Variants in KRR1 observed in about 807,000 individuals in gnomAD.
KRR1 encodes KRR1 small subunit processome component, also known as KRR1 small subunit processome component homolog.
In KRR1, 23 loss-of-function variants were observed where a neutral mutation model predicts 50.0. The ratio of observed to expected loss-of-function variants is 0.46; its 90% CI spans 0.33 to 0.65. The LOEUF is 0.65. Among genes scored for constraint, KRR1 ranks in the 30% least tolerant of loss-of-function variants. KRR1 has a pLI of 0.02. For synonymous variants in KRR1, 133 were observed against 146.3 expected, an observed-to-expected ratio of 0.91 and a Z score of 0.66; for missense variants, 419 against 442.4, an observed-to-expected ratio of 0.95 and a Z score of 0.47.
chr12:75,502,497 C>T (rs1255853656), intron 7 of KRR1: 2 of 153,742 alleles, frequency 1.3e-5, no homozygotes, highest in African/African-American at 4.8e-5. Context: ...AAAGCAACAG[C>T]TTGTTCATTC....
intron 9 of KRR1, 66 bp from the exon 10 acceptor site, chr12:75,500,017 T>A: frequency 7.8e-7 from 1 of 1,285,192 alleles, no homozygotes; most frequent in Non-Finnish European, 1.1e-6. Context: ...AAAGAATATA[T>A]GTTTAACAAA....
intron 5 of KRR1, 38 bp from the exon 6 acceptor site, chr12:75,505,292 T>G: frequency 1.9e-6 from 3 of 1,552,446 alleles, no homozygotes; most frequent in Non-Finnish European, 1.7e-6. Context: ...GTCACAAGGA[T>G]TTTAATGAGC....
rs572035401 is a variant in KRR1 at position 75,496,671 on chromosome 12, G to C, written c.*3138C>G. 1 of 152,110 alleles carries C rather than the reference G, an allele frequency of 6.6e-6. No homozygotes were observed. The highest frequency in any genetic ancestry group is 2.4e-5 in the African/African-American group (1 of 41,402). The allele number at this position is 152,110 out of a possible 1,614,324, so 9.4% of individuals were successfully genotyped here. On this transcript the variant is annotated 3_prime_UTR_variant, in exon 10 of 10. Transcript: ENST00000229214. ...GTAACAAACTGAACTCAGAGCAGCC[G>C]GGCTAGAGTAGGGTGCTTAGAATAG...
chr12:75,504,097 A>C (rs762416932), intron 6 of KRR1, 23 bp from the exon 7 acceptor site: 1 of 1,565,530 alleles, frequency 6.4e-7, no homozygotes, highest in Admixed American at 1.8e-5. Flanking sequence ...AACAAAGTAA[A>C]AATTTTTACT....
Position 75,501,729 on chromosome 12 carries a change from T to C in KRR1, c.997A>G (p.Lys333Glu). Residue 333 changes from lysine (K) to glutamate (E), a missense_variant, in exon 9 of 10, where the codon AAG becomes GAG. Physicochemically the swap from Lys to Glu is moderately conservative, Grantham distance 56. Coordinates refer to ENST00000229214, the MANE Select transcript of KRR1 (RefSeq NM_007043.7). ...PPKEKPIVKP[K>E]EASTETKIDV... ...ACATCATAGAAAGCATTACCTTCCT[T>C]AGGTTTCACAATTGGTTTTTCCTTA... 6.3e-7 allele frequency: 1 copy of C among 1,598,510 alleles called. No individual in the cohort carries two copies. The highest frequency in any genetic ancestry group is 8.6e-7 in the Non-Finnish European group (1 of 1,167,486).
Position 75,511,604 on chromosome 12 carries a change from G to C in KRR1, c.-7C>G, listed in dbSNP as rs939076148. ...CCAGCGAGGGAGACGCCATTTGCAAGCTGCTTCCGGTGGCTCCGGAAATGA... is the reference window on the plus strand; with the variant it reads ...CCAGCGAGGGAGACGCCATTTGCAACCTGCTTCCGGTGGCTCCGGAAATGA... On this transcript the variant is annotated 5_prime_UTR_variant, in exon 1 of 10. Coordinates refer to ENST00000229214, the MANE Select transcript of KRR1 (RefSeq NM_007043.7). 3.7e-6 allele frequency: 6 copies of C among 1,609,740 alleles called. No individual in the cohort carries two copies. The highest frequency in any genetic ancestry group is 4.6e-5 in the East Asian group (2 of 43,638).
In KRR1 at chr12:75,495,997, GT is replaced by G. The variant is rs370713345; in HGVS notation, c.*3811del. 33 of 132,286 alleles carry G rather than the reference GT, an allele frequency of 2.5e-4. No individual in the cohort carries two copies. The highest frequency in any genetic ancestry group is 1.1e-3 in the South Asian group (5 of 4,522). 8.2% of individuals were successfully genotyped at this position (132,286 alleles called of 1,614,324 possible). On this transcript the variant is annotated 3_prime_UTR_variant, in exon 10 of 10. Transcript: ENST00000229214. ...TCCAAACAAACAGAATTCTGTTTTC[GT>G]TTTTTTTTTTGTTTTTTTTTTTTGA...
intron 5 of KRR1, among the ~76,000 whole-genome samples, chr12:75,505,852 A>T (rs970090939): frequency 5.3e-5 from 8 of 152,152 alleles, no homozygotes; most frequent in African/African-American, 1.9e-4. Context: ...GAAAATGTTC[A>T]TGAAAAGTTA....
Position 75,491,133 on chromosome 12 carries a change from T to C in KRR1, c.*8676A>G, listed in dbSNP as rs1158103790. On this transcript the variant is annotated 3_prime_UTR_variant, in exon 10 of 10. Transcript: ENST00000229214. ...ACTTAAAATTATGCTGTGAAAAATT[T>C]TCCTTTTCAAAATTTTAAGTGATTT... 6.6e-6 allele frequency: 1 copy of C among 151,946 alleles called. No individual in the cohort carries two copies. The highest frequency in any genetic ancestry group is 1.5e-5 in the Non-Finnish European group (1 of 67,994). 9.4% of individuals were successfully genotyped at this position (151,946 alleles called of 1,614,324 possible). A position where few individuals can be genotyped will look rare whatever the true frequency, so the allele number is the denominator to read the frequency against.
In KRR1 at chr12:75,506,616, C is replaced by CAAAAAATA; in HGVS notation, c.394-8_394-7insTATTTTTT. 1 of 1,368,352 alleles carries CAAAAAATA rather than the reference C, an allele frequency of 7.3e-7. No individual in the cohort carries two copies. The highest frequency in any genetic ancestry group is 9.5e-7 in the Non-Finnish European group (1 of 1,053,538). The allele number at this position is 1,368,352 out of a possible 1,614,324, so 84.8% of individuals were successfully genotyped here. On this transcript the variant is annotated splice_polypyrimidine_tract_variant and splice_region_variant and intron_variant, in intron 3 of 9. Transcript: ENST00000229214. The stretch of plus-strand genomic sequence containing the variant: ...CCTGAAGAATTCGTACTGCCTTTTG[C>CAAAAAATA]AAAAAAAAAAAAAAAAAGAAGACAT...
At position 75,499,769 on chromosome 12, in the gene KRR1, T is replaced by C. The variant is rs1340095090; in HGVS notation, c.*40A>G. ...TAATGCCTGATATCTCAAAATCCTT[T>C]ACAAAAGGAGATAGTTCTAGTCAAG... On this transcript the variant is annotated 3_prime_UTR_variant, in exon 10 of 10. Transcript: ENST00000229214. The C allele has an allele frequency of 1.3e-6, 2 of 1,498,010 alleles. No homozygotes were observed. 92.8% of individuals were successfully genotyped at this position (1,498,010 alleles called of 1,614,324 possible). A position where few individuals can be genotyped will look rare whatever the true frequency, so the allele number is the denominator to read the frequency against.
At position 75,492,575 on chromosome 12, in the gene KRR1, G is replaced by GT. The variant is rs1420337689; in HGVS notation, c.*7233dup. The GT allele has an allele frequency of 1.3e-5, 2 of 152,154 alleles. No individual in the cohort carries two copies. Among genetic ancestry groups the GT allele is most frequent in the Non-Finnish European group, 2.9e-5 (2 of 68,028 alleles). 9.4% of individuals were successfully genotyped at this position (152,154 alleles called of 1,614,324 possible). ...AATGCTTGGCAATAGTGAATGTTTTGTAAGTATTCATGATTTTTATTCATT... is the reference window on the plus strand; with the variant it reads ...AATGCTTGGCAATAGTGAATGTTTTGTTAAGTATTCATGATTTTTATTCATT... On this transcript the variant is annotated 3_prime_UTR_variant, in exon 10 of 10. Transcript: ENST00000229214.
In KRR1 at chr12:75,494,305, T is replaced by G. The variant is rs1326383504; in HGVS notation, c.*5504A>C. 1 of 152,210 alleles carries G rather than the reference T, an allele frequency of 6.6e-6. No homozygotes were observed. Among genetic ancestry groups the G allele is most frequent in the African/African-American group, 2.4e-5 (1 of 41,452 alleles). The allele number at this position is 152,210 out of a possible 1,614,324, so 9.4% of individuals were successfully genotyped here. ...TTATTTTTATTTTCACTAACCTCTA[T>G]TAAAAATAACATTTCCTTTCATTAT... is the stretch of plus-strand genomic sequence containing the variant. On this transcript the variant is annotated 3_prime_UTR_variant, in exon 10 of 10. Coordinates refer to ENST00000229214, the MANE Select transcript of KRR1 (RefSeq NM_007043.7).
In KRR1 at chr12:75,497,715, G is replaced by C. The variant is rs939993928; in HGVS notation, c.*2094C>G. 2.4e-4 allele frequency: 36 copies of C among 151,904 alleles called. No individual in the cohort carries two copies. The highest frequency in any genetic ancestry group is 7.7e-4 in the African/African-American group (32 of 41,346). 9.4% of individuals were successfully genotyped at this position (151,904 alleles called of 1,614,324 possible). ...CAAGCACTGGAGCATAAATTCCTTC[G>C]TGGTATTCCTTCGTGGTCTCCTAGA... On this transcript the variant is annotated 3_prime_UTR_variant, in exon 10 of 10. Transcript: ENST00000229214.
At chr12:75,504,592 T>A (rs1411109353) in intron 6 of KRR1, among the ~76,000 whole-genome samples, 1 of 152,072 alleles carries the variant, frequency 6.6e-6, no homozygotes, top group Non-Finnish European at 1.5e-5. Flanking sequence ...AATATCCCAA[T>A]GTAACTCAAA....
Position 75,495,761 on chromosome 12 carries a change from C to A in KRR1, c.*4048G>T. The stretch of plus-strand genomic sequence containing the variant: ...AACCATGTTTTATCTTAACGGCTAT[C>A]TTCAAGGAAACTGGCATCAAGTAGC... On this transcript the variant is annotated 3_prime_UTR_variant, in exon 10 of 10. Coordinates refer to ENST00000229214, the MANE Select transcript of KRR1 (RefSeq NM_007043.7). 2 of 693,530 alleles carry A rather than the reference C, an allele frequency of 2.9e-6. No homozygotes were observed. The highest frequency in any genetic ancestry group is 2.0e-5 in the South Asian group (1 of 50,228). The allele number at this position is 693,530 out of a possible 1,614,324, so 43.0% of individuals were successfully genotyped here.
chr12:75,495,395 AT>A lies in KRR1; in HGVS notation c.*4413del. 1.8e-6 allele frequency: 1 copy of A among 551,350 alleles called. No homozygotes were observed. The highest frequency in any genetic ancestry group is 2.3e-5 in the South Asian group (1 of 42,562). The allele number at this position is 551,350 out of a possible 1,614,324, so 34.2% of individuals were successfully genotyped here. ...AGGTGCATAGACACAGGTACATAGA[AT>A]GAACTATGCAAATATTAGCAGCCTT... On this transcript the variant is annotated 3_prime_UTR_variant, in exon 10 of 10. Coordinates refer to ENST00000229214, the MANE Select transcript of KRR1 (RefSeq NM_007043.7).
At chr12:75,500,607 A>ATT (rs1406290617) in intron 9 of KRR1, 18 of 152,006 alleles carry the variant, frequency 1.2e-4, no homozygotes, top group Non-Finnish European at 2.5e-4. Context: ...TAAAGACAAT[A>ATT]ATTTGAGAGT....
rs573561438 is a variant in KRR1 at position 75,491,011 on chromosome 12, C to T, written c.*8798G>A. The T allele has an allele frequency of 6.6e-6, 1 of 152,372 alleles. No individual in the cohort carries two copies. Among genetic ancestry groups the T allele is most frequent in the Non-Finnish European group, 1.5e-5 (1 of 68,320 alleles). 9.4% of individuals were successfully genotyped at this position (152,372 alleles called of 1,614,324 possible). ...CCCACTTTGGGAAACAGGGCAAACA[C>T]CTTCCTCCTACTTTCTTTAAACTTA... On this transcript the variant is annotated 3_prime_UTR_variant, in exon 10 of 10. Coordinates refer to ENST00000229214, the MANE Select transcript of KRR1 (RefSeq NM_007043.7).
Sources: allele counts gnomAD v4.1 joint callset (sites outside exome capture counted in the v4.1 genomes callset), GRCh38; gene constraint gnomAD v4.1.1; transcripts MANE v1.5; gene names NCBI Gene and HGNC (gene_info 2026-07-23, HGNC 2026-07-21).